Variants in RIMS2 observed in about 807,000 individuals in gnomAD.
The protein encoded by RIMS2 is regulating synaptic membrane exocytosis protein 2.
RIMS2 carries 59 observed loss-of-function variants against 174.4 expected under a neutral mutation model. The ratio of observed to expected loss-of-function variants is 0.34; its 90% confidence interval spans 0.27 to 0.42. RIMS2 has a LOEUF of 0.42. Among genes scored for constraint, RIMS2 ranks in the 10% least tolerant of loss-of-function variants. The probability of loss-of-function intolerance (pLI) is 1.00; values close to 1 mark genes in which losing one functional copy is unlikely to be tolerated. For synonymous variants in RIMS2, 606 were observed against 572.5 expected (o/e 1.06, Z -0.84); for missense variants, 1,620 against 1,666.3 (o/e 0.97, Z 0.48).
chr8:103,931,315 G>A (rs896280575), exon 12 of RIMS2: 9 of 1,604,622 alleles, frequency 5.6e-6, no homozygotes, highest in Non-Finnish European at 7.7e-6. Flanking sequence ...ACAATTTTGG[G>A]AGCAAAAGAT....
intron 19 of RIMS2, among the ~76,000 whole-genome samples, chr8:104,078,702 G>A (rs1598365863): frequency 1.3e-5 from 2 of 152,306 alleles, no homozygotes; most frequent in East Asian, 3.9e-4. Context: ...TTATTGCATT[G>A]TGAAAGCATA....
At chr8:104,004,251 G>A (rs1383162224) in intron 17 of RIMS2, among the ~76,000 whole-genome samples, 1 of 152,190 alleles carries the variant, frequency 6.6e-6, no homozygotes, top group African/African-American at 2.4e-5. Flanking sequence ...AGTGAAATCA[G>A]TCTGAGAAAC....
intron 1 of RIMS2, among the ~76,000 whole-genome samples, chr8:103,570,918 C>G (rs1020470630): frequency 6.6e-6 from 1 of 152,106 alleles, no homozygotes; most frequent in African/African-American, 2.4e-5. Flanking sequence ...TATTTATTGA[C>G]AAAAGCTATT....
chr8:103,626,784 A>G (rs1003554981), intron 1 of RIMS2, among the ~76,000 whole-genome samples: 19 of 152,102 alleles, frequency 1.2e-4, no homozygotes, highest in African/African-American at 4.1e-4. Context: ...GGCGACCTTG[A>G]GCCGCAAAAC....
intron 1 of RIMS2, among the ~76,000 whole-genome samples, chr8:103,582,512 C>G (rs1354256046): frequency 1.3e-5 from 2 of 152,120 alleles, no homozygotes; most frequent in Non-Finnish European, 2.9e-5. Flanking sequence ...GGACTTGACT[C>G]TTAGATGGTA....
chr8:103,934,932 C>T (rs1418972534), intron 12 of RIMS2, among the ~76,000 whole-genome samples: 2 of 152,106 alleles, frequency 1.3e-5, no homozygotes, highest in African/African-American at 2.4e-5. Flanking sequence ...TTCTTGACCT[C>T]GTGATCCACC....
At chr8:103,822,683 G>A (rs4734731) in intron 3 of RIMS2, among the ~76,000 whole-genome samples, 37,118 of 151,642 alleles carry the variant, frequency 0.24, 4,909 homozygotes, top group Non-Finnish European at 0.27. Flanking sequence ...GAAACAACTG[G>A]ACGTCTAGCA....
At chr8:103,587,344 A>G (rs2093981566) in intron 1 of RIMS2, among the ~76,000 whole-genome samples, 2 of 151,756 alleles carry the variant, frequency 1.3e-5, no homozygotes, top group South Asian at 2.1e-4. Context: ...GAATACTTCC[A>G]AACTCATTTT....
At chr8:103,649,657 T>C (rs926948366) in intron 1 of RIMS2, among the ~76,000 whole-genome samples, 38 of 151,906 alleles carry the variant, frequency 2.5e-4, no homozygotes, top group African/African-American at 8.2e-4. Flanking sequence ...TCTTTTTTTT[T>C]TTTCTTTCTG....
intron 19 of RIMS2, among the ~76,000 whole-genome samples, chr8:104,242,951 T>C (rs2099310031): frequency 6.6e-6 from 1 of 152,234 alleles, no homozygotes; most frequent in Admixed American, 6.5e-5. Flanking sequence ...GAGTATCCTT[T>C]CTACAACCTT....
chr8:104,060,863 C>T (rs1802040864), intron 19 of RIMS2, among the ~76,000 whole-genome samples: 1 of 151,998 alleles, frequency 6.6e-6, no homozygotes, highest in East Asian at 1.9e-4. Context: ...GTTCAGTTTC[C>T]ATGTAGTTGA....
chr8:103,644,407 A>T (rs1485876733), intron 1 of RIMS2, among the ~76,000 whole-genome samples: 1 of 152,072 alleles, frequency 6.6e-6, no homozygotes, highest in Non-Finnish European at 1.5e-5. Flanking sequence ...GATGGGAGTG[A>T]TAATTTCCAA....
chr8:104,068,573 C>T (rs550849893), intron 19 of RIMS2: 263 of 1,570,170 alleles, frequency 1.7e-4, no homozygotes, highest in Admixed American at 4.2e-4. Context: ...AACAGGTAGC[C>T]GGATCAGATC....
At chr8:104,205,505 G>GTGTGTGTA (rs990241238) in intron 19 of RIMS2, among the ~76,000 whole-genome samples, 1 of 152,032 alleles carries the variant, frequency 6.6e-6, no homozygotes, top group Non-Finnish European at 1.5e-5. Flanking sequence ...CTGTGTGTGT[G>GTGTGTGTA]TGTGTGCGCG....
At chr8:104,233,425 C>T (rs971911232) in intron 19 of RIMS2, among the ~76,000 whole-genome samples, 1 of 152,098 alleles carries the variant, frequency 6.6e-6, no homozygotes, top group South Asian at 2.1e-4. Context: ...GAAAAATTCC[C>T]ATTTAGAAAG....
chr8:103,597,183 T>C (rs1196166982), intron 1 of RIMS2, among the ~76,000 whole-genome samples: 1 of 152,160 alleles, frequency 6.6e-6, no homozygotes, highest in East Asian at 1.9e-4. Flanking sequence ...GAAGTGCTAA[T>C]TAATAGAGCA....
intron 19 of RIMS2, among the ~76,000 whole-genome samples, chr8:104,180,100 T>G (rs1383248631): frequency 6.6e-6 from 1 of 151,844 alleles, no homozygotes; most frequent in Non-Finnish European, 1.5e-5. Flanking sequence ...AATGTAATGC[T>G]CTATTGAAGG....
exon 17 of RIMS2, chr8:103,989,363 A>T (rs751195442): frequency 1.2e-6 from 2 of 1,613,792 alleles, no homozygotes; most frequent in Non-Finnish European, 1.7e-6. Context: ...TTATAATACA[A>T]TTAGCCGAAT....
intron 19 of RIMS2, among the ~76,000 whole-genome samples, chr8:104,055,424 T>C (rs1322566669): frequency 1.3e-5 from 2 of 152,278 alleles, no homozygotes; most frequent in South Asian, 2.1e-4. Flanking sequence ...TTAGCAATCA[T>C]GTAAAAGGTA....
Sources: allele counts gnomAD v4.1 joint callset (sites outside exome capture counted in the v4.1 genomes callset), GRCh38; gene constraint gnomAD v4.1.1; transcripts MANE v1.5; gene names NCBI Gene and HGNC (gene_info 2026-07-23, HGNC 2026-07-21).